Variants in ARL6 observed in about 807,000 individuals in gnomAD.
ARL6 encodes the protein ADP-ribosylation factor-like protein 6.
ARL6 carries 18 observed loss-of-function variants against 27.1 expected under a neutral mutation model. That is an observed-to-expected ratio of 0.66 (90% CI 0.46 to 0.98). ARL6 has a LOEUF of 0.98. ARL6 is among the 50% of genes least tolerant of loss of function. The pLI is 0.00. For synonymous variants in ARL6, 65 were observed against 72.3 expected (o/e 0.90, Z 0.51); for missense variants, 187 against 214.9 (o/e 0.87, Z 0.81).
chr3:97,784,914 TAAGTA>T, intron 4 of ARL6, 36 bp from the exon 5 acceptor site: 1 of 1,449,942 alleles, frequency 6.9e-7, no homozygotes. Flanking sequence ...GAAAAATTTA[TAAGTA>T]AAGCTTTAAT....
Position 97,768,134 on chromosome 3 carries a change from CT to C in ARL6, c.29del (p.Leu10CysfsTer4), listed in dbSNP as rs1210659056. 1 of 1,612,986 alleles carries C rather than the reference CT, an allele frequency of 6.2e-7. No individual in the cohort carries two copies. Among genetic ancestry groups the C allele is most frequent in the Admixed American group, 1.7e-5 (1 of 59,984 alleles). On this transcript the variant is annotated frameshift_variant, in exon 2 of 8. Coordinates refer to ENST00000463745, the MANE Select transcript of ARL6 (RefSeq NM_001278293.3). LOFTEE classifies it high-confidence loss of function. MGLLDRLSV[L>X]LGLKKKEVHV... is the part of the protein sequence containing the mutation. ...TGGGATTGCTAGACAGACTTTCAGT[CT>C]TGCTTGGCCTGAAGAAGAAGGAGGT... is the stretch of plus-strand genomic sequence containing the variant.
chr3:97,777,653 G>T (rs1247638409), intron 2 of ARL6, among the ~76,000 whole-genome samples: 3 of 151,994 alleles, frequency 2.0e-5, no homozygotes. Flanking sequence ...TGTTTACTTT[G>T]TGCCATTCCC....
At chr3:97,792,436 T>C (rs960424018) in intron 7 of ARL6, among the ~76,000 whole-genome samples, 6 of 152,100 alleles carry the variant, frequency 3.9e-5, no homozygotes, top group Non-Finnish European at 7.4e-5. Context: ...TGAGCCGAGA[T>C]TGCGCCACAG....
At chr3:97,780,716 T>C (rs1460429179) in intron 4 of ARL6, 33 bp downstream of exon 4, 4 of 1,480,568 alleles carry the variant, frequency 2.7e-6, no homozygotes, top group South Asian at 1.1e-5. Context: ...CTTAACTAGA[T>C]GGTTTTTACT....
chr3:97,772,691 G>A (rs1246557004), intron 2 of ARL6, among the ~76,000 whole-genome samples: 1 of 143,872 alleles, frequency 7.0e-6, no homozygotes, highest in Non-Finnish European at 1.5e-5. Flanking sequence ...GTGTGATCTC[G>A]GCTCACTACA....
At chr3:97,776,799 G>C (rs1014572587) in intron 2 of ARL6, among the ~76,000 whole-genome samples, 39 of 152,204 alleles carry the variant, frequency 2.6e-4, no homozygotes, top group African/African-American at 9.4e-4. Flanking sequence ...TGGGATTACA[G>C]GCACGCGCCA....
rs761612811 is a variant in ARL6, at chr3:97,787,978, T to C, written c.350-12T>C. ...GCTGGAAGTGTGATGATAATCTTAT[T>C]TTCTCTTTTAGATATTAAACACCGT... On this transcript the variant is annotated splice_polypyrimidine_tract_variant and intron_variant, in intron 5 of 7. Coordinates refer to ENST00000463745, the MANE Select transcript of ARL6 (RefSeq NM_001278293.3). 1 of 1,613,042 alleles carries C rather than the reference T, an allele frequency of 6.2e-7. No homozygotes were observed. The highest frequency in any genetic ancestry group is 1.1e-5 in the South Asian group (1 of 91,042).
intron 6 of ARL6, among the ~76,000 whole-genome samples, chr3:97,788,570 C>G (rs1333645390): frequency 1.3e-5 from 2 of 151,912 alleles, no homozygotes; most frequent in African/African-American, 4.8e-5. Flanking sequence ...GGTGTGTTAG[C>G]TCCCTGACAG....
At chr3:97,776,614 C>T (rs2036913878) in intron 2 of ARL6, among the ~76,000 whole-genome samples, 1 of 151,726 alleles carries the variant, frequency 6.6e-6, no homozygotes, top group East Asian at 1.9e-4. Context: ...CTTCTTGCTT[C>T]TACTTCATTT....
At chr3:97,779,002 G>C (rs976234440) in intron 2 of ARL6, among the ~76,000 whole-genome samples, 1 of 152,102 alleles carries the variant, frequency 6.6e-6, no homozygotes, top group African/African-American at 2.4e-5. Context: ...TTCAAACAGA[G>C]GAATAGTTTT....
chr3:97,795,866 G>A (rs529727941), intron 7 of ARL6, among the ~76,000 whole-genome samples: 166 of 152,228 alleles, frequency 1.1e-3, no homozygotes, highest in African/African-American at 3.5e-3. Flanking sequence ...ATTGAAAAAT[G>A]AGGAAAAAAA....
intron 2 of ARL6, among the ~76,000 whole-genome samples, chr3:97,774,602 G>A (rs2036805026): frequency 6.6e-6 from 1 of 152,102 alleles, no homozygotes; most frequent in Non-Finnish European, 1.5e-5. Flanking sequence ...AGCTTCATCA[G>A]GGTCCTCCCA....
At chr3:97,776,450 T>C (rs1219179063) in intron 2 of ARL6, among the ~76,000 whole-genome samples, 1 of 152,154 alleles carries the variant, frequency 6.6e-6, no homozygotes, top group Non-Finnish European at 1.5e-5. Context: ...CTATTACTGA[T>C]AGGTAAGGAC....
In ARL6 at chr3:97,780,679, T is replaced by G; in HGVS notation, c.250T>G (p.Tyr84Asp). 1 of 1,606,142 alleles carries G rather than the reference T, an allele frequency of 6.2e-7. No homozygotes were observed. Among genetic ancestry groups the G allele is most frequent in the East Asian group, 2.2e-5 (1 of 44,706 alleles). The change falls in exon 4 of 8, where the codon TAT becomes GAT. Residue 84 changes from tyrosine (Y) to aspartate (D), a missense_variant. By Grantham distance (160) the Tyr-to-Asp change is radical. Transcript: ENST00000463745. ...GRYRNLWEHYYKEGQAIIFVI... is the reference protein window; with the variant it reads ...GRYRNLWEHYDKEGQAIIFVI... ...ATACAGAAATCTCTGGGAACACTAT[T>G]ATAAGTAAGTACATCTGTGAATGTT...
chr3:97,794,217 G>GTT lies in ARL6; in HGVS notation c.535+2395_535+2396dup, dbSNP rs1553695856. ...TGTGTGTGTGTGTGTGTGTGTGTGT[G>GTT]TTTTTGAGATGGAGTTTCACTCTTG... On this transcript the variant is annotated intron_variant, in intron 7 of 7. Transcript: ENST00000463745. Among the ~76,000 whole-genome samples, 67 of 145,792 alleles carry GTT rather than the reference G, an allele frequency of 4.6e-4. 2 individuals are homozygous for GTT. In the South Asian group the frequency reaches 7.2e-3, roughly 16 times the overall value.
At chr3:97,783,942 T>C (rs1222132195) in intron 4 of ARL6, among the ~76,000 whole-genome samples, 3 of 151,876 alleles carry the variant, frequency 2.0e-5, no homozygotes, top group African/African-American at 7.2e-5. Context: ...CTGAGTCATG[T>C]AAATTGATAT....
chr3:97,771,503 A>G (rs1032733054), intron 2 of ARL6, among the ~76,000 whole-genome samples: 1 of 151,754 alleles, frequency 6.6e-6, no homozygotes, highest in Admixed American at 6.6e-5. Flanking sequence ...GATGACCTTC[A>G]TTTTTCTTGC....
chr3:97,778,328 G>A (rs2037008338), intron 2 of ARL6, among the ~76,000 whole-genome samples: 1 of 151,986 alleles, frequency 6.6e-6, no homozygotes, highest in African/African-American at 2.4e-5. Context: ...ATGGATAGAA[G>A]GAAAAGGAAA....
rs1576419399 is a variant in ARL6, at chr3:97,764,823, A to C, written c.-182A>C. On this transcript the variant is annotated 5_prime_UTR_variant, in exon 1 of 8. Transcript: ENST00000463745. ...GGCTGCCGGTTTTCCCAACTTCTAG[A>C]GACGGCTTTGCTCATTACCAGGCAT... 6.6e-6 allele frequency: 1 copy of C among 152,228 alleles called. No individual in the cohort carries two copies. The highest frequency in any genetic ancestry group is 1.9e-4 in the East Asian group (1 of 5,190). 9.4% of individuals were successfully genotyped at this position (152,228 alleles called of 1,614,324 possible). A position where few individuals can be genotyped will look rare whatever the true frequency, so the allele number is the denominator to read the frequency against.
Sources: allele counts gnomAD v4.1 joint callset (sites outside exome capture counted in the v4.1 genomes callset), GRCh38; gene constraint gnomAD v4.1.1; transcripts MANE v1.5; gene names NCBI Gene and HGNC (gene_info 2026-07-23, HGNC 2026-07-21).